LRBA: variants seen among roughly 807,000 people sequenced by gnomAD.
LRBA encodes LPS responsive beige-like anchor protein.
LRBA carries 176 observed loss-of-function variants against 330.0 expected under a neutral mutation model. That is an observed-to-expected ratio of 0.53 (90% confidence interval 0.47 to 0.60). The LOEUF (loss-of-function observed/expected upper bound fraction) is 0.60, where lower values mean the gene tolerates loss of function less well. Among genes scored for constraint, LRBA ranks in the 20% least tolerant of loss-of-function variants. LRBA has a pLI of 0.00. For synonymous variants in LRBA, 1,230 were observed against 1,193.0 expected (o/e 1.03, Z -0.64); for missense variants, 3,259 against 3,444.8 (o/e 0.95, Z 1.35).
chr4:150,274,814 C>T (rs1335740702), intron 56 of LRBA, among the ~76,000 whole-genome samples: 3 of 152,054 alleles, frequency 2.0e-5, no homozygotes, highest in African/African-American at 7.2e-5. Context: ...CAAAAAAAGT[C>T]CAGGACCAGA....
At chr4:150,490,288 A>G (rs1758747421) in intron 41 of LRBA, among the ~76,000 whole-genome samples, 1 of 151,846 alleles carries the variant, frequency 6.6e-6, no homozygotes, top group African/African-American at 2.4e-5. Flanking sequence ...AATATGTACA[A>G]TAAATCAGTA....
At chr4:150,615,905 A>G (rs1433258474) in intron 37 of LRBA, among the ~76,000 whole-genome samples, 1 of 152,114 alleles carries the variant, frequency 6.6e-6, no homozygotes, top group Non-Finnish European at 1.5e-5. Context: ...ATGCTCTACC[A>G]CCTTCCACTG....
intron 47 of LRBA, among the ~76,000 whole-genome samples, chr4:150,377,625 C>G (rs1741543974): frequency 6.6e-6 from 1 of 151,838 alleles, no homozygotes; most frequent in South Asian, 2.1e-4. Context: ...AGACATGTAC[C>G]CACTTAGGAG....
At chr4:150,299,093 T>C (rs1729330974) in intron 53 of LRBA, among the ~76,000 whole-genome samples, 1 of 152,032 alleles carries the variant, frequency 6.6e-6, no homozygotes, top group African/African-American at 2.4e-5. Context: ...CTCCAAAATT[T>C]AAAAATGTAC....
intron 47 of LRBA, among the ~76,000 whole-genome samples, chr4:150,376,859 A>G (rs886580182): frequency 1.3e-5 from 2 of 152,098 alleles, no homozygotes; most frequent in Admixed American, 1.3e-4. Flanking sequence ...CCATATGGAA[A>G]AAGTAGATGA....
At chr4:150,648,542 C>A (rs984696940) in intron 37 of LRBA, among the ~76,000 whole-genome samples, 2 of 151,970 alleles carry the variant, frequency 1.3e-5, no homozygotes, top group African/African-American at 4.8e-5. Flanking sequence ...TTGTGACAAT[C>A]AAAAACATGC....
chr4:150,387,750 C>T (rs965446296), intron 47 of LRBA, among the ~76,000 whole-genome samples: 15 of 151,932 alleles, frequency 9.9e-5, no homozygotes, highest in African/African-American at 3.6e-4. Context: ...CTAAACCATG[C>T]ATAACATTTG....
chr4:150,500,760 T>C (rs1449878027), intron 40 of LRBA, among the ~76,000 whole-genome samples: 3 of 152,180 alleles, frequency 2.0e-5, no homozygotes, highest in African/African-American at 7.2e-5. Flanking sequence ...CCTTTGTTTA[T>C]CTTGAAGAAA....
At chr4:150,401,675 A>C (rs1396272735) in intron 47 of LRBA, among the ~76,000 whole-genome samples, 1 of 152,192 alleles carries the variant, frequency 6.6e-6, no homozygotes, top group Non-Finnish European at 1.5e-5. Flanking sequence ...ATATATATGG[A>C]GAGTAAATTA....
chr4:150,581,343 G>A, intron 40 of LRBA: 1 of 447,012 alleles, frequency 2.2e-6, no homozygotes, highest in South Asian at 1.6e-5. Flanking sequence ...ACCCTCACTG[G>A]TGCACATATA....
At chr4:150,595,691 C>T (rs1773410481) in intron 38 of LRBA, among the ~76,000 whole-genome samples, 1 of 151,928 alleles carries the variant, frequency 6.6e-6, no homozygotes, top group South Asian at 2.1e-4. Flanking sequence ...CAGCACAGCA[C>T]ACTGATATGA....
In LRBA at chr4:150,264,724, C is replaced by T. The variant is rs1745089877; in HGVS notation, c.*998G>A. ...TTTCTCAAATATTTTTCACAGAATTCCACACAGTAATCTACTAGAAAAGTA... is the reference window on the plus strand; with the variant it reads ...TTTCTCAAATATTTTTCACAGAATTTCACACAGTAATCTACTAGAAAAGTA... On this transcript the variant is annotated 3_prime_UTR_variant, in exon 57 of 57. Transcript: ENST00000651943. 2 of 152,628 alleles carry T rather than the reference C, an allele frequency of 1.3e-5. No homozygotes were observed. The highest frequency in any genetic ancestry group is 4.1e-4 in the South Asian group (2 of 4,822). The allele number at this position is 152,628 out of a possible 1,614,324, so 9.5% of individuals were successfully genotyped here. A position where few individuals can be genotyped will look rare whatever the true frequency, so the allele number is the denominator to read the frequency against.
chr4:150,500,486 G>A (rs1429568239), intron 40 of LRBA, among the ~76,000 whole-genome samples: 4 of 152,140 alleles, frequency 2.6e-5, no homozygotes, highest in Non-Finnish European at 5.9e-5. Context: ...GCTGAGACAG[G>A]AGAATTCCTT....
intron 44 of LRBA, among the ~76,000 whole-genome samples, chr4:150,438,861 T>C (rs913841736): frequency 4.6e-5 from 7 of 152,184 alleles, no homozygotes; most frequent in African/African-American, 1.4e-4. Context: ...TATTATTGTA[T>C]GTTAAGGCAT....
At chr4:150,838,677 T>C (rs1409308253) in intron 28 of LRBA, among the ~76,000 whole-genome samples, 1 of 152,214 alleles carries the variant, frequency 6.6e-6, no homozygotes, top group African/African-American at 2.4e-5. Context: ...CTGGTTATTC[T>C]AGTTTGCCAT....
At chr4:150,892,722 A>C (rs542449763) in intron 17 of LRBA, among the ~76,000 whole-genome samples, 1 of 152,214 alleles carries the variant, frequency 6.6e-6, no homozygotes, top group African/African-American at 2.4e-5. Flanking sequence ...TTGGATTTCA[A>C]TTGAACACTA....
intron 47 of LRBA, among the ~76,000 whole-genome samples, chr4:150,395,155 G>A (rs376097837): frequency 6.6e-6 from 1 of 151,974 alleles, no homozygotes; most frequent in Non-Finnish European, 1.5e-5. Flanking sequence ...AGATAAAAAT[G>A]GGATTAAGTG....
At chr4:150,543,101 T>G (rs1765492229) in intron 40 of LRBA, among the ~76,000 whole-genome samples, 1 of 152,204 alleles carries the variant, frequency 6.6e-6, no homozygotes, top group Non-Finnish European at 1.5e-5. Context: ...ATGTCTATCT[T>G]TTCTACATGT....
At chr4:150,919,844 C>A (rs946948215) in intron 5 of LRBA, among the ~76,000 whole-genome samples, 4 of 152,182 alleles carry the variant, frequency 2.6e-5, no homozygotes, top group African/African-American at 9.7e-5. Flanking sequence ...TTCAGCTCAC[C>A]TGCCCTACTT....
Sources: allele counts gnomAD v4.1 joint callset (sites outside exome capture counted in the v4.1 genomes callset), GRCh38; gene constraint gnomAD v4.1.1; transcripts MANE v1.5; gene names NCBI Gene and HGNC (gene_info 2026-07-23, HGNC 2026-07-21).